Variants in MYLK3 observed in about 807,000 individuals in gnomAD.
MYLK3 encodes MLC kinase.
In MYLK3, 55 loss-of-function variants were observed where a neutral mutation model predicts 76.3. The ratio of observed to expected loss-of-function variants is 0.72; its 90% CI spans 0.58 to 0.90. The LOEUF (loss-of-function observed/expected upper bound fraction) is 0.90, where lower values mean the gene tolerates loss of function less well. Ranked by LOEUF, MYLK3 falls within the 40% of genes least tolerant of loss-of-function variation. The pLI is 0.00. For synonymous variants in MYLK3, 416 were observed against 425.4 expected (o/e 0.98, Z 0.27); for missense variants, 973 against 1,053.6 (o/e 0.92, Z 1.06).
intron 9 of MYLK3, among the ~76,000 whole-genome samples, chr16:46,717,416 T>C (rs1966753335): frequency 6.6e-6 from 1 of 152,190 alleles, no homozygotes; most frequent in Non-Finnish European, 1.5e-5. Context: ...AATTGACCTA[T>C]AGCCCTTTTC....
Position 46,710,725 on chromosome 16 carries a change from A to G in MYLK3, c.2179T>C (p.Cys727Arg). 6.2e-7 allele frequency: 1 copy of G among 1,614,130 alleles called. No individual in the cohort carries two copies. The highest frequency in any genetic ancestry group is 8.5e-7 in the Non-Finnish European group (1 of 1,180,036). Residue 727 changes from cysteine to arginine, a missense_variant, in exon 11 of 13, where the codon TGT (cysteine) becomes CGT (arginine). Coordinates refer to ENST00000394809, the MANE Select transcript of MYLK3 (RefSeq NM_182493.3). ...DAETMNFIVN[C>R]SWDFDADTFE... ...GTGTCAGCATCAAAATCCCAGCTACAGTTTACAATGAAATTCATGGTCTCT... is the reference window on the plus strand; with the variant it reads ...GTGTCAGCATCAAAATCCCAGCTACGGTTTACAATGAAATTCATGGTCTCT...
chr16:46,749,380 C>A (rs914806968), upstream of MYLK3, among the ~76,000 whole-genome samples: 5 of 152,254 alleles, frequency 3.3e-5, no homozygotes, highest in African/African-American at 1.2e-4. Flanking sequence ...CAGGGCTGCC[C>A]CCAAGGGAGG....
chr16:46,748,375 G>T, upstream of MYLK3: 1 of 1,182,882 alleles, frequency 8.5e-7, no homozygotes, highest in Non-Finnish European at 1.1e-6. This position sits in a 1 kb window ranked among gnomAD's most constrained non-coding sequence, Gnocchi z 4.3. Flanking sequence ...TTCTTCCTGT[G>T]CCTTTGCTTT....
At chr16:46,757,873 T>G (rs568319428) in intron 1 of MYLK3, among the ~76,000 whole-genome samples, 1 of 152,180 alleles carries the variant, frequency 6.6e-6, no homozygotes, top group East Asian at 1.9e-4. Context: ...AAACCCCACA[T>G]CCGGGTGCAG....
At chr16:46,711,071 G>T in intron 10 of MYLK3, 1 of 420,880 alleles carries the variant, frequency 2.4e-6, no homozygotes. Flanking sequence ...GTAAAATTAG[G>T]GCCCAACTTG....
intron 3 of MYLK3, among the ~76,000 whole-genome samples, chr16:46,733,367 A>C (rs549189604): frequency 2.0e-5 from 3 of 152,210 alleles, no homozygotes; most frequent in Non-Finnish European, 4.4e-5. Context: ...AAAAACTAAA[A>C]TAAAATAAAA....
At chr16:46,749,243 C>T (rs751151410), upstream of MYLK3, among the ~76,000 whole-genome samples, 2 of 152,220 alleles carry the variant, frequency 1.3e-5, no homozygotes, top group Non-Finnish European at 2.9e-5. Context: ...AAGGACGCCA[C>T]GGAGCAGTCT....
chr16:46,734,095 G>C (rs912156936), intron 3 of MYLK3, among the ~76,000 whole-genome samples: 10 of 152,300 alleles, frequency 6.6e-5, no homozygotes, highest in African/African-American at 1.9e-4. Context: ...GTCTCCAAGA[G>C]ACATCTGTAC....
chr16:46,725,375 A>G (rs1966838949), intron 8 of MYLK3, among the ~76,000 whole-genome samples: 1 of 152,238 alleles, frequency 6.6e-6, no homozygotes, highest in Admixed American at 6.5e-5. Flanking sequence ...AGGAGAAAAC[A>G]TTCAGTCTCC....
intron 2 of MYLK3, among the ~76,000 whole-genome samples, chr16:46,739,430 G>A (rs965417887): frequency 3.3e-5 from 5 of 151,970 alleles, no homozygotes; most frequent in Admixed American, 6.6e-5. Context: ...TGGTGGCATA[G>A]CCTGCACAGA....
chr16:46,749,412 GC>G (rs1596775598), upstream of MYLK3, among the ~76,000 whole-genome samples: 1 of 152,228 alleles, frequency 6.6e-6, no homozygotes, highest in East Asian at 1.9e-4. Context: ...TCCCCCTCAA[GC>G]TTCCCCCTTC....
At chr16:46,735,883 T>C (rs903218017) in intron 3 of MYLK3, among the ~76,000 whole-genome samples, 1 of 152,168 alleles carries the variant, frequency 6.6e-6, no homozygotes, top group Non-Finnish European at 1.5e-5. Context: ...TACAAGCAGC[T>C]CCTGCCACCT....
chr16:46,747,396 C>T (rs1175403185), intron 1 of MYLK3, among the ~76,000 whole-genome samples: 2 of 152,222 alleles, frequency 1.3e-5, no homozygotes. Context: ...GAAGGGCAGT[C>T]ACGGGGGTGT....
intron 1 of MYLK3, among the ~76,000 whole-genome samples, chr16:46,759,607 AT>A (rs1328001082): frequency 6.9e-6 from 1 of 145,232 alleles, no homozygotes; most frequent in African/African-American, 2.5e-5. Flanking sequence ...TTTCTTTCCT[AT>A]TTTTTCTGCC....
At chr16:46,760,471 C>T (rs1220209214) in intron 1 of MYLK3, among the ~76,000 whole-genome samples, 4 of 152,194 alleles carry the variant, frequency 2.6e-5, no homozygotes, top group Non-Finnish European at 4.4e-5. Flanking sequence ...GCTCTGAGCT[C>T]TGCTTGTGCC....
Position 46,732,687 on chromosome 16 carries a change from T to C in MYLK3, c.1002-19A>G, listed in dbSNP as rs1355558233. 4 of 1,477,820 alleles carry C rather than the reference T, an allele frequency of 2.7e-6. No individual in the cohort carries two copies. In the South Asian group the frequency reaches 5.5e-5, roughly 20 times the overall value. 91.5% of individuals were successfully genotyped at this position (1,477,820 alleles called of 1,614,324 possible). On this transcript the variant is annotated intron_variant, in intron 3 of 12. Transcript: ENST00000394809. ...GGAGATCCTGGGGTGGAGAGAAACA[T>C]GGTGCTGAGGTTAGAGGCAAGGACT... is the stretch of plus-strand genomic sequence containing the variant.
rs1966789337 is a variant in MYLK3 at position 46,720,589 on chromosome 16, C to T, written c.1985+534G>A. 2.0e-5 allele frequency among the ~76,000 whole-genome samples: 3 copies of T among 152,250 alleles called. No individual in the cohort carries two copies. In the South Asian group the frequency reaches 6.2e-4, roughly 32 times the overall value. On this transcript the variant is annotated intron_variant, in intron 9 of 12. Transcript: ENST00000394809. ...CTGTCTGTGTATTTTCTCATTTAAC[C>T]CTCATAACCACCCCATGCCAGCAGG... is the stretch of plus-strand genomic sequence containing the variant.
At position 46,732,662 on chromosome 16, in the gene MYLK3, G is replaced by A. The variant is rs1173842533; in HGVS notation, c.1008C>T (p.Ser336=). The change falls in exon 4 of 13, where the codon TCC becomes TCT. Residue 336 remains serine, a synonymous_variant. Coordinates refer to ENST00000394809, the MANE Select transcript of MYLK3 (RefSeq NM_182493.3). ...GAGTATCCATCTCTTGTATGTGGAT[G>A]GAGATCCTGGGGTGGAGAGAAACAT... The part of the protein sequence containing the change: ...HSGGETPPRI[S]IHIQEMDTPG... The A allele has an allele frequency of 6.6e-7, 1 of 1,509,934 alleles. No homozygotes were observed. The highest frequency in any genetic ancestry group is 1.3e-5 in the South Asian group (1 of 76,688). The allele number at this position is 1,509,934 out of a possible 1,614,324, so 93.5% of individuals were successfully genotyped here. A position where few individuals can be genotyped will look rare whatever the true frequency, so the allele number is the denominator to read the frequency against.
rs1181069736 is a variant in MYLK3 at position 46,709,548 on chromosome 16, T to C, written c.2391A>G (p.Arg797=). 2.5e-6 allele frequency: 4 copies of C among 1,613,766 alleles called. No individual in the cohort carries two copies. Among genetic ancestry groups the C allele is most frequent in the South Asian group, 2.2e-5 (2 of 90,968 alleles). Residue 797 remains arginine, a synonymous_variant, in exon 12 of 13, where the codon AGA becomes AGG. Transcript: ENST00000394809. ...GAGAAAAACCAAATACCTTCCATTT[T>C]CTTTGAGCTATGTATTTCTGCAGCA... The part of the protein sequence containing the change: ...QLLLQKYIAQ[R]KWKKHFYVVT...
Sources: allele counts gnomAD v4.1 joint callset (sites outside exome capture counted in the v4.1 genomes callset), GRCh38; gene constraint gnomAD v4.1.1; non-coding constraint Gnocchi (gnomAD v3.1); transcripts MANE v1.5; gene names NCBI Gene and HGNC (gene_info 2026-07-23, HGNC 2026-07-21).